Variants in TENM2 observed in about 807,000 individuals in gnomAD.
TENM2 encodes teneurin-2.
Under a neutral mutation model 245.2 loss-of-function variants are expected in TENM2, and 52 were observed. That is an observed-to-expected ratio of 0.21 (90% CI 0.17 to 0.27). The LOEUF is 0.27. TENM2 is among the 10% of genes least tolerant of loss of function. The pLI, the probability that TENM2 is intolerant of heterozygous loss-of-function variation, is 1.00. For synonymous variants in TENM2, 1,363 were observed against 1,438.9 expected (o/e 0.95, Z 1.19); for missense variants, 3,046 against 3,666.8 (o/e 0.83, Z 4.37).
chr5:167,899,935 C>T (rs1775549688), intron 3 of TENM2, among the ~76,000 whole-genome samples: 1 of 151,838 alleles, frequency 6.6e-6, no homozygotes, highest in Non-Finnish European at 1.5e-5. Context: ...TGTTTAAATC[C>T]ACTCACGCAA....
At chr5:167,383,588 C>T (rs567331188) in intron 2 of TENM2, among the ~76,000 whole-genome samples, 2 of 152,116 alleles carry the variant, frequency 1.3e-5, no homozygotes, top group African/African-American at 4.8e-5. Flanking sequence ...AACATCTTCC[C>T]TCCCCACCTG....
intron 2 of TENM2, among the ~76,000 whole-genome samples, chr5:167,853,041 C>A (rs1770726912): frequency 6.7e-6 from 1 of 150,236 alleles, no homozygotes; most frequent in South Asian, 2.1e-4. Flanking sequence ...AATCCCAGCA[C>A]TTTGGGAGGC....
At chr5:167,143,236 G>A in the TENM2 span, among the ~76,000 whole-genome samples, 2 of 152,126 alleles carry the variant, frequency 1.3e-5, no homozygotes, top group Non-Finnish European at 2.9e-5. Flanking sequence ...CCATGAATAC[G>A]GGTAATTGAG....
intron 2 of TENM2, among the ~76,000 whole-genome samples, chr5:167,484,061 G>A (rs900890026): frequency 6.6e-6 from 1 of 152,116 alleles, no homozygotes; most frequent in African/African-American, 2.4e-5. Context: ...GAGTCATTTT[G>A]TGCAGCTGGG....
rs765222826 is a variant in TENM2, at chr5:168,199,844, G to A, written c.3163-20G>A. Reference sequence around the variant, plus strand: ...ACAGGTGTGTTTTAGGTGTGTGTCTGCCATGTGTTTCCTCTCCAGGTTCTT... The same window carrying A: ...ACAGGTGTGTTTTAGGTGTGTGTCTACCATGTGTTTCCTCTCCAGGTTCTT... On this transcript the variant is annotated intron_variant, in intron 16 of 28. Coordinates refer to ENST00000518659, the Ensembl canonical transcript of TENM2. The A allele has an allele frequency of 3.1e-6, 5 of 1,609,908 alleles. No individual in the cohort carries two copies. Among genetic ancestry groups the A allele is most frequent in the Non-Finnish European group, 4.2e-6 (5 of 1,178,134 alleles).
chr5:167,688,253 G>A lies in TENM2; in HGVS notation c.503-187733G>A, dbSNP rs192889161. On this transcript the variant is annotated intron_variant, in intron 2 of 28. Transcript: ENST00000518659. ...TATTTTGAAACAGCAATGGCGTGGC[G>A]TTTTACTATTGCTTTATAGTCTTTT... Among the ~76,000 whole-genome samples the A allele has an allele frequency of 3.8e-4, 58 of 152,262 alleles. No homozygotes were observed. The East Asian group carries it at 4.3e-3, about 11-fold the overall frequency.
At chr5:168,109,962 A>C (rs1794544128) in intron 9 of TENM2, among the ~76,000 whole-genome samples, 1 of 151,846 alleles carries the variant, frequency 6.6e-6, no homozygotes. Flanking sequence ...TTGCGTTACC[A>C]AACAGAAATC....
intron 3 of TENM2, among the ~76,000 whole-genome samples, chr5:167,934,356 C>T (rs1330577069): frequency 1.3e-5 from 2 of 152,162 alleles, no homozygotes; most frequent in Admixed American, 1.3e-4. Context: ...ATAAGACATC[C>T]CTCCTCCTAG....
At chr5:167,350,670 C>T (rs1453559477) in intron 1 of TENM2, among the ~76,000 whole-genome samples, 2 of 130,100 alleles carry the variant, frequency 1.5e-5, no homozygotes, top group South Asian at 2.4e-4. Context: ...ATATGGGATA[C>T]ATATATGGAT....
At chr5:168,060,663 G>A (rs928033612) in intron 6 of TENM2, among the ~76,000 whole-genome samples, 10 of 152,080 alleles carry the variant, frequency 6.6e-5, no homozygotes, top group East Asian at 3.9e-4. Flanking sequence ...TGCTGGCTTC[G>A]TATTGAGCTG....
chr5:168,166,805 C>G (rs1279603853), intron 13 of TENM2, among the ~76,000 whole-genome samples: 2 of 152,152 alleles, frequency 1.3e-5, no homozygotes, highest in African/African-American at 4.8e-5. Flanking sequence ...CAAATATGCT[C>G]TGTAGTCAGC....
intron 2 of TENM2, among the ~76,000 whole-genome samples, chr5:167,422,288 C>T (rs1763557440): frequency 6.6e-6 from 1 of 152,150 alleles, no homozygotes; most frequent in Non-Finnish European, 1.5e-5. Context: ...TTACAATGTT[C>T]AAAATACTTC....
chr5:168,050,932 ACTCAC>A (rs763216375), intron 6 of TENM2, among the ~76,000 whole-genome samples: 13 of 152,156 alleles, frequency 8.5e-5, no homozygotes, highest in Non-Finnish European at 1.6e-4. Context: ...TGCCAGAATC[ACTCAC>A]CATCTTGTGT....
At chr5:167,826,708 C>T (rs1388012649) in intron 2 of TENM2, among the ~76,000 whole-genome samples, 1 of 152,152 alleles carries the variant, frequency 6.6e-6, no homozygotes, top group Non-Finnish European at 1.5e-5. Flanking sequence ...AGCACAGACT[C>T]AGGAGCTCTG....
chr5:167,427,524 GAGGGAAGGATGGGAAGGA>G (rs1159107351), intron 2 of TENM2, among the ~76,000 whole-genome samples: 2 of 140,220 alleles, frequency 1.4e-5, no homozygotes, highest in Non-Finnish European at 3.1e-5. Context: ...GGAAGGGAGG[GAGGGAAGGATGGGAAGGA>G]AGGGAAGGAC....
intron 4 of TENM2, among the ~76,000 whole-genome samples, chr5:167,985,155 C>G (rs776311190): frequency 1.4e-4 from 22 of 152,204 alleles, no homozygotes; most frequent in Admixed American, 8.5e-4. Context: ...GTAATGAAAT[C>G]TGGAGTTCTC....
chr5:168,167,118 G>C (rs1021768955), intron 13 of TENM2, among the ~76,000 whole-genome samples: 2 of 152,128 alleles, frequency 1.3e-5, no homozygotes, highest in African/African-American at 2.4e-5. Context: ...TGAAAAAGAA[G>C]AGACTCAAAG....
the TENM2 span, among the ~76,000 whole-genome samples, chr5:167,158,532 T>A: frequency 6.6e-6 from 1 of 152,206 alleles, no homozygotes; most frequent in Non-Finnish European, 1.5e-5. Context: ...GCATTATTTT[T>A]CACTGTTCTG....
At chr5:167,571,589 T>C (rs1044458997) in intron 2 of TENM2, among the ~76,000 whole-genome samples, 7 of 152,126 alleles carry the variant, frequency 4.6e-5, no homozygotes, top group Non-Finnish European at 8.8e-5. Flanking sequence ...ACCTCCTCAC[T>C]AAGGAAGCGG....
Sources: allele counts gnomAD v4.1 joint callset (sites outside exome capture counted in the v4.1 genomes callset), GRCh38; gene constraint gnomAD v4.1.1; transcripts MANE v1.5; gene names NCBI Gene and HGNC (gene_info 2026-07-23, HGNC 2026-07-21).